Variants in CHM observed in about 807,000 individuals in gnomAD.
The protein encoded by CHM is rab proteins geranylgeranyltransferase component A 1.
In CHM, 10 loss-of-function variants were observed where a neutral mutation model predicts 49.0. That is an observed-to-expected ratio of 0.20 (90% CI 0.13 to 0.35). CHM has a LOEUF of 0.35. Among genes scored for constraint, CHM ranks in the 10% least tolerant of loss-of-function variants. CHM has a pLI of 1.00. For missense variants in CHM, 455 were observed against 478.4 expected, an observed-to-expected ratio of 0.95 and a Z score of 0.46; for synonymous variants, 184 against 167.5, an observed-to-expected ratio of 1.10 and a Z score of -0.76.
chrX:85,897,703 G>A (rs1166349103), intron 11 of CHM, among the ~76,000 whole-genome samples: 1 of 111,009 alleles, frequency 9.0e-6, no homozygotes, highest in Admixed American at 9.6e-5. Context: ...TCTGAGGCCA[G>A]TGGAAGAACT....
rs1026031237 is a variant in CHM, at chrX:85,862,335, A to G, written c.*2295T>C. 3 of 112,317 alleles carry G rather than the reference A, an allele frequency of 2.7e-5. No homozygotes were observed. Among genetic ancestry groups the G allele is most frequent in the African/African-American group, 9.7e-5 (3 of 30,846 alleles). The allele number at this position is 112,317 out of a possible 1,213,427, so 9.3% of individuals were successfully genotyped here. A position where few individuals can be genotyped will look rare whatever the true frequency, so the allele number is the denominator to read the frequency against. On this transcript the variant is annotated 3_prime_UTR_variant, in exon 15 of 15. Coordinates refer to ENST00000357749, the MANE Select transcript of CHM (RefSeq NM_000390.4). ...GCATTCAAGCGGCTTTAACTCTAAG[A>G]CCGTAACAGTACAATATCTTTATTG... is the stretch of plus-strand genomic sequence containing the variant.
intron 2 of CHM, among the ~76,000 whole-genome samples, chrX:86,021,045 C>CATATATACACACATATATATACACAT (rs1284361201): frequency 1.1e-5 from 1 of 95,141 alleles, no homozygotes; most frequent in Non-Finnish European, 2.1e-5. Flanking sequence ...TATATATACA[C>CATATATACACACATATATATACACAT]ATATATACAC....
At position 85,861,767 on chromosome X, in the gene CHM, T is replaced by C. The variant is rs1923363826; in HGVS notation, c.*2863A>G. ...TACTGATCACTAAACTAAATGGTATTATCATTTTCGGTTAATAAGAAGCAT... is the reference window on the plus strand; with the variant it reads ...TACTGATCACTAAACTAAATGGTATCATCATTTTCGGTTAATAAGAAGCAT... On this transcript the variant is annotated 3_prime_UTR_variant, in exon 15 of 15. Transcript: ENST00000357749. 1 of 111,747 alleles carries C rather than the reference T, an allele frequency of 8.9e-6. No homozygotes were observed. The highest frequency in any genetic ancestry group is 1.9e-5 in the Non-Finnish European group (1 of 53,093). The allele number at this position is 111,747 out of a possible 1,213,427, so 9.2% of individuals were successfully genotyped here.
chrX:85,930,198 C>T lies in CHM; in HGVS notation c.1167-18860G>A, dbSNP rs12689547. On this transcript the variant is annotated intron_variant, in intron 8 of 14. Transcript: ENST00000357749. The stretch of plus-strand genomic sequence containing the variant: ...CTTAAAGTGTGTCTGTGTATGCATA[C>T]ATAGACAAAACTCATATGGCTATCA... Among the ~76,000 whole-genome samples the T allele has an allele frequency of 4.8e-4, 54 of 112,131 alleles. No individual in the cohort carries two copies. The East Asian group carries it at 0.014, about 30-fold the overall frequency.
In CHM at chrX:85,975,168, T is replaced by C. The variant is rs151026356; in HGVS notation, c.314+3599A>G. On this transcript the variant is annotated intron_variant, in intron 4 of 14. Transcript: ENST00000357749. Reference sequence around the variant, plus strand: ...AAATTAAGGTAAGTATGTGGAGAAATTGGATTACTTACACATTTCTGGTGG... The same window carrying C: ...AAATTAAGGTAAGTATGTGGAGAAACTGGATTACTTACACATTTCTGGTGG... Among the ~76,000 whole-genome samples, 11 of 111,920 alleles carry C rather than the reference T, an allele frequency of 9.8e-5. No individual in the cohort carries two copies. In the East Asian group the frequency reaches 3.1e-3, roughly 31 times the overall value.
chrX:85,872,959 T>C, intron 14 of CHM, 93 bp downstream of exon 14: 3 of 886,028 alleles, frequency 3.4e-6, no homozygotes, highest in Non-Finnish European at 4.9e-6. Flanking sequence ...TACTGAGAGA[T>C]GCTTTTCTAG....
chrX:85,919,224 A>C (rs937921318), intron 8 of CHM, among the ~76,000 whole-genome samples: 3 of 111,774 alleles, frequency 2.7e-5, no homozygotes, highest in Non-Finnish European at 3.8e-5. Context: ...TTCAGAACCC[A>C]CTGGAAGCTG....
At chrX:86,002,398 C>T (rs1315434996) in intron 2 of CHM, among the ~76,000 whole-genome samples, 1 of 111,554 alleles carries the variant, frequency 9.0e-6, no homozygotes, top group Admixed American at 9.5e-5. Context: ...TTCATTCTAA[C>T]TAATGTAGTA....
intron 2 of CHM, among the ~76,000 whole-genome samples, chrX:86,013,252 C>T (rs1039180636): frequency 1.8e-5 from 2 of 110,882 alleles, no homozygotes; most frequent in African/African-American, 3.3e-5. Context: ...GAAAAGAGCT[C>T]GGGGAACCAC....
At chrX:85,933,477 G>C (rs940091785) in intron 8 of CHM, among the ~76,000 whole-genome samples, 1 of 111,795 alleles carries the variant, frequency 8.9e-6, no homozygotes, top group East Asian at 2.8e-4. Flanking sequence ...AGAAAGTCTG[G>C]CTTCAAAGTC....
At chrX:85,971,166 T>C in intron 4 of CHM, 2 of 754,103 alleles carry the variant, frequency 2.7e-6, no homozygotes, top group Non-Finnish European at 3.1e-6. Flanking sequence ...TGACGTATTT[T>C]CCAAGCAGTG....
At chrX:85,874,217 T>C (rs1924279548) in intron 13 of CHM, among the ~76,000 whole-genome samples, 1 of 112,021 alleles carries the variant, frequency 8.9e-6, no homozygotes, top group African/African-American at 3.2e-5. Flanking sequence ...TCTTGCTAAT[T>C]TGATAATCAT....
intron 2 of CHM, among the ~76,000 whole-genome samples, chrX:85,998,002 TAG>T (rs1054149603): frequency 7.2e-5 from 8 of 110,765 alleles, no homozygotes; most frequent in African/African-American, 2.6e-4. Context: ...AGTAGCACAA[TAG>T]AGATTTCAAG....
At chrX:86,021,023 T>C (rs1396648394) in intron 2 of CHM, among the ~76,000 whole-genome samples, 1 of 98,826 alleles carries the variant, frequency 1.0e-5, no homozygotes, top group Non-Finnish European at 2.0e-5. Flanking sequence ...TTTACACATA[T>C]ATACACACAC....
rs758595321 is a variant in CHM, at chrX:86,022,742, C to G, written c.116+4749G>C. 3.6e-5 allele frequency among the ~76,000 whole-genome samples: 4 copies of G among 111,336 alleles called. No homozygotes were observed. The South Asian group carries it at 1.5e-3, about 43-fold the overall frequency. On this transcript the variant is annotated intron_variant, in intron 2 of 14. Transcript: ENST00000357749. ...GGCTCCTTATACACATACCCACATA[C>G]ACATACACATCCCTAGGTGAATGGA... is the stretch of plus-strand genomic sequence containing the variant.
At chrX:85,870,816 G>A (rs773820385) in intron 14 of CHM, among the ~76,000 whole-genome samples, 1 of 111,579 alleles carries the variant, frequency 9.0e-6, no homozygotes, top group East Asian at 2.8e-4. Context: ...AGAATGTCTT[G>A]GAGGCCAGGA....
In CHM at chrX:85,963,884, G is replaced by A. The variant is rs779693887; in HGVS notation, c.483C>T (p.Ser161=). The change falls in exon 5 of 15, where the codon AGC becomes AGT. Residue 161 remains serine (S), a synonymous_variant. Coordinates refer to ENST00000357749, the MANE Select transcript of CHM (RefSeq NM_000390.4). ...TTACTTCTAGCGCATTCTCTGGATC[G>A]CTGCTTGGAGTTTGTTCTGTGAGCA... ...CEMLTEQTPS[S]DPENALEVNG... is the part of the protein sequence containing the mutation. 19 of 1,208,486 alleles carry A rather than the reference G, an allele frequency of 1.6e-5. No homozygotes were observed. In the South Asian group the frequency reaches 1.6e-4, roughly 10 times the overall value.
At chrX:85,937,222 C>T (rs909596074) in intron 8 of CHM, among the ~76,000 whole-genome samples, 9 of 102,315 alleles carry the variant, frequency 8.8e-5, no homozygotes, top group African/African-American at 1.4e-4. Context: ...GCCAAGATTG[C>T]GCCACTACAC....
At chrX:85,972,503 G>A (rs747498384) in intron 4 of CHM, among the ~76,000 whole-genome samples, 253 of 113,344 alleles carry the variant, frequency 2.2e-3, no homozygotes, top group African/African-American at 7.5e-3. Flanking sequence ...GGCCTGCCCC[G>A]TGGGAAGGCA....
Sources: gnomAD v4.1 joint callset for allele counts (sites outside exome capture counted in the v4.1 genomes callset) on GRCh38, gnomAD v4.1.1 for gene constraint, MANE v1.5 for transcripts, NCBI Gene and HGNC (gene_info 2026-07-23, HGNC 2026-07-21) for gene names.